Variants in CTNNA2 observed in about 807,000 individuals in gnomAD.
CTNNA2 encodes the protein catenin alpha 2.
Under a neutral mutation model 101.0 loss-of-function variants are expected in CTNNA2, and 42 were observed. The ratio of observed to expected loss-of-function variants is 0.42; its 90% CI spans 0.32 to 0.54. The LOEUF is 0.54. CTNNA2 is among the 20% of genes least tolerant of loss of function. The pLI, the probability that CTNNA2 is intolerant of heterozygous loss-of-function variation, is 0.14. For missense variants in CTNNA2, 871 were observed against 1,223.1 expected (o/e 0.71, Z 4.29); for synonymous variants, 450 against 456.4 (o/e 0.99, Z 0.18).
chr2:79,500,679 C>T lies in CTNNA2; in HGVS notation c.-134-4375C>T, dbSNP rs577199002. ...CTACTCACATCATTCCAAGAGAAGA[C>T]ACTAGTGGAGGGATGAGATTGTCTC... On this transcript the variant is annotated intron_variant, in intron 4 of 21. Coordinates refer to the CTNNA2 transcript ENST00000466387. The T allele has an allele frequency of 2.6e-5, 4 of 152,318 alleles. No homozygotes were observed. In the South Asian group the frequency reaches 8.3e-4, roughly 32 times the overall value. The allele number at this position is 152,318 out of a possible 1,614,324, so 9.4% of individuals were successfully genotyped here. A position where few individuals can be genotyped will look rare whatever the true frequency, so the allele number is the denominator to read the frequency against.
intron 7 of CTNNA2, among the ~76,000 whole-genome samples, chr2:80,139,735 C>T (rs1281229448): frequency 6.6e-6 from 1 of 152,066 alleles, no homozygotes; most frequent in Non-Finnish European, 1.5e-5. Flanking sequence ...TCATGTGAAA[C>T]AACAAGCACA....
rs1217262304 is a variant in CTNNA2, at chr2:80,146,719, T to TTG, written c.1056+236923_1056+236924insGT. Among the ~76,000 whole-genome samples, 207 of 96,012 alleles carry TTG rather than the reference T, an allele frequency of 2.2e-3. 3 individuals are homozygous for TTG. Among genetic ancestry groups the TTG allele is most frequent in the Admixed American group, 4.2e-3 (41 of 9,800 alleles). 63.0% of individuals were successfully genotyped at this position (96,012 alleles called of 152,430 possible). A position where few individuals can be genotyped will look rare whatever the true frequency, so the allele number is the denominator to read the frequency against. The stretch of plus-strand genomic sequence containing the variant: ...TAGGAAGTCCCCTCTGGTTTTTTTT[T>TTG]TTTTTTTTTTTTTTTTTTTTTTTGA... On this transcript the variant is annotated intron_variant, in intron 7 of 18. Coordinates refer to ENST00000402739, the MANE Select transcript of CTNNA2 (RefSeq NM_001282597.3).
rs554190104 is a variant in CTNNA2 at position 80,145,781 on chromosome 2, A to G, written c.1056+235984A>G. Among the ~76,000 whole-genome samples the G allele has an allele frequency of 2.6e-5, 4 of 152,324 alleles. No individual in the cohort carries two copies. The East Asian group carries it at 7.7e-4, about 29-fold the overall frequency. ...ATCCATCATCAGCAATCTAATGTGTATATGACTTTACAGAAAAGGTTTCAT... is the reference window on the plus strand; with the variant it reads ...ATCCATCATCAGCAATCTAATGTGTGTATGACTTTACAGAAAAGGTTTCAT... On this transcript the variant is annotated intron_variant, in intron 7 of 18. Coordinates refer to ENST00000402739, the MANE Select transcript of CTNNA2 (RefSeq NM_001282597.3).
chr2:79,460,315 G>C (rs1670865407), intron 4 of CTNNA2, among the ~76,000 whole-genome samples: 1 of 152,076 alleles, frequency 6.6e-6, no homozygotes, highest in South Asian at 2.1e-4. Flanking sequence ...TATGTCCCAA[G>C]TGAATTTATT....
chr2:79,421,998 C>A (rs1402452682), intron 4 of CTNNA2, among the ~76,000 whole-genome samples: 3 of 152,004 alleles, frequency 2.0e-5, no homozygotes, highest in African/African-American at 7.2e-5. Flanking sequence ...ACTAAAAATA[C>A]AAAAATTAGC....
intron 7 of CTNNA2, among the ~76,000 whole-genome samples, chr2:80,124,970 G>T (rs1301496176): frequency 1.3e-5 from 2 of 152,126 alleles, no homozygotes; most frequent in African/African-American, 2.4e-5. Context: ...GGAAGATTTA[G>T]CATGGCCTAT....
At chr2:80,020,540 A>G (rs1694483391) in intron 7 of CTNNA2, among the ~76,000 whole-genome samples, 1 of 152,168 alleles carries the variant, frequency 6.6e-6, no homozygotes, top group African/African-American at 2.4e-5. Flanking sequence ...AGCTCACAGG[A>G]GATTTATTTT....
At chr2:79,478,569 T>G (rs1022611653) in intron 4 of CTNNA2, among the ~76,000 whole-genome samples, 1 of 152,206 alleles carries the variant, frequency 6.6e-6, no homozygotes. Flanking sequence ...TTATGGCAGC[T>G]TATGTTACTT....
chr2:79,459,089 C>T (rs1225459848), intron 4 of CTNNA2, among the ~76,000 whole-genome samples: 1 of 152,130 alleles, frequency 6.6e-6, no homozygotes, highest in East Asian at 1.9e-4. Context: ...ATATGAAGTA[C>T]ATTCAAGATG....
intron 7 of CTNNA2, among the ~76,000 whole-genome samples, chr2:80,263,198 A>T (rs1014817696): frequency 6.6e-6 from 1 of 152,138 alleles, no homozygotes; most frequent in African/African-American, 2.4e-5. Context: ...CACTTGATGG[A>T]TTGGCGGCAG....
At chr2:79,849,363 T>C (rs1680493614) in intron 3 of CTNNA2, among the ~76,000 whole-genome samples, 1 of 152,050 alleles carries the variant, frequency 6.6e-6, no homozygotes, top group African/African-American at 2.4e-5. Flanking sequence ...TATTATCTTG[T>C]TTTTTGATAA....
intron 7 of CTNNA2, among the ~76,000 whole-genome samples, chr2:79,978,239 C>A (rs544368531): frequency 6.6e-6 from 1 of 152,116 alleles, no homozygotes; most frequent in Non-Finnish European, 1.5e-5. Flanking sequence ...TTGTCTTGCA[C>A]GGATTACTTG....
At chr2:80,015,562 G>T (rs1197197781) in intron 7 of CTNNA2, among the ~76,000 whole-genome samples, 1 of 152,104 alleles carries the variant, frequency 6.6e-6, no homozygotes, top group Non-Finnish European at 1.5e-5. Context: ...ATAGAATTTG[G>T]TGTGTGCAGA....
chr2:79,259,904 A>G (rs1433085388), intron 2 of CTNNA2, among the ~76,000 whole-genome samples: 1 of 152,328 alleles, frequency 6.6e-6, no homozygotes, highest in East Asian at 1.9e-4. Flanking sequence ...AAGCAGCTTT[A>G]TTTGGTCAGT....
intron 7 of CTNNA2, among the ~76,000 whole-genome samples, chr2:80,169,953 G>A (rs1019482154): frequency 3.3e-5 from 5 of 151,962 alleles, no homozygotes; most frequent in African/African-American, 1.2e-4. Flanking sequence ...TACCTACCTG[G>A]CATGGTGTTA....
chr2:80,135,306 A>T (rs111540177), intron 7 of CTNNA2, among the ~76,000 whole-genome samples: 2 of 152,226 alleles, frequency 1.3e-5, no homozygotes, highest in African/African-American at 4.8e-5. Flanking sequence ...CCAAGGAGAC[A>T]GATGTCAGCG....
chr2:79,667,614 CA>C (rs1416046404), intron 2 of CTNNA2, among the ~76,000 whole-genome samples: 1 of 152,100 alleles, frequency 6.6e-6, no homozygotes, highest in African/African-American at 2.4e-5. Flanking sequence ...GGAAGGCATA[CA>C]AAAGGTAAAT....
At chr2:80,585,105 G>T (rs762166313) in intron 14 of CTNNA2, among the ~76,000 whole-genome samples, 2 of 150,906 alleles carry the variant, frequency 1.3e-5, no homozygotes, top group African/African-American at 5.0e-5. Flanking sequence ...CTTAATGTTA[G>T]CCTCTTGCTC....
chr2:80,501,765 T>A (rs1687901160), intron 9 of CTNNA2, among the ~76,000 whole-genome samples: 1 of 152,076 alleles, frequency 6.6e-6, no homozygotes, highest in Admixed American at 6.6e-5. Flanking sequence ...CTCAGATCTA[T>A]CCCAAAAGGT....
Sources: gnomAD v4.1 joint callset for allele counts (sites outside exome capture counted in the v4.1 genomes callset) on GRCh38, gnomAD v4.1.1 for gene constraint, MANE v1.5 for transcripts, NCBI Gene and HGNC (gene_info 2026-07-23, HGNC 2026-07-21) for gene names.